RABGAP1L: variants seen among roughly 807,000 people sequenced by gnomAD.
RABGAP1L encodes the protein RAB GTPase activating protein 1 like, also known as rab GTPase-activating protein 1-like.
In RABGAP1L, 63 loss-of-function variants were observed where a neutral mutation model predicts 137.7. That is an observed-to-expected ratio of 0.46 (90% CI 0.37 to 0.56). The LOEUF (loss-of-function observed/expected upper bound fraction) is 0.56, where lower values mean the gene tolerates loss of function less well. RABGAP1L is among the 20% of genes least tolerant of loss of function. The probability of loss-of-function intolerance (pLI) is 0.00; values close to 1 mark genes in which losing one functional copy is unlikely to be tolerated. For missense variants in RABGAP1L, 1,095 were observed against 1,244.0 expected (o/e 0.88, Z 1.80); for synonymous variants, 431 against 433.7 (o/e 0.99, Z 0.08).
At chr1:174,258,506 C>T (rs1673308384) in intron 7 of RABGAP1L, among the ~76,000 whole-genome samples, 1 of 152,128 alleles carries the variant, frequency 6.6e-6, no homozygotes, top group South Asian at 2.1e-4. Context: ...CCAGGCTGGT[C>T]TTGAACTCCT....
chr1:174,945,971 CTAGAGT>C (rs1666671844), intron 19 of RABGAP1L: 2 of 151,582 alleles, frequency 1.3e-5, no homozygotes, highest in African/African-American at 4.8e-5. Flanking sequence ...CAGGCTTCTC[CTAGAGT>C]TAAATTCCTG....
At chr1:174,869,844 G>C (rs1651899683) in intron 19 of RABGAP1L, among the ~76,000 whole-genome samples, 1 of 152,176 alleles carries the variant, frequency 6.6e-6, no homozygotes, top group Non-Finnish European at 1.5e-5. Flanking sequence ...TAAGGACACA[G>C]AGAGAAGACC....
intron 13 of RABGAP1L, among the ~76,000 whole-genome samples, chr1:174,635,596 A>G (rs540003780): frequency 6.6e-6 from 1 of 152,250 alleles, no homozygotes; most frequent in Non-Finnish European, 1.5e-5. Flanking sequence ...TGGCAAATAT[A>G]AATTTTCTCT....
intron 1 of RABGAP1L, among the ~76,000 whole-genome samples, chr1:174,204,897 TGTTAA>T (rs1238040641): frequency 6.6e-6 from 1 of 152,186 alleles, no homozygotes; most frequent in Non-Finnish European, 1.5e-5. Flanking sequence ...CTGCTATGAT[TGTTAA>T]GTTTTCTGAG....
At chr1:174,492,951 C>G (rs1309158457) in intron 13 of RABGAP1L, among the ~76,000 whole-genome samples, 2 of 151,820 alleles carry the variant, frequency 1.3e-5, no homozygotes, top group African/African-American at 4.8e-5. Flanking sequence ...TAATACATTG[C>G]AGCATTATTG....
chr1:174,566,059 T>C (rs1667563212), intron 13 of RABGAP1L, among the ~76,000 whole-genome samples: 1 of 152,086 alleles, frequency 6.6e-6, no homozygotes, highest in African/African-American at 2.4e-5. Flanking sequence ...CAGCTAATTT[T>C]TGTAGAAATT....
At chr1:174,775,297 A>T (rs893348451) in intron 18 of RABGAP1L, among the ~76,000 whole-genome samples, 1 of 147,858 alleles carries the variant, frequency 6.8e-6, no homozygotes, top group African/African-American at 2.4e-5. Flanking sequence ...TATTATATTT[A>T]TGGAACCAGG....
At chr1:174,374,010 A>G (rs1333153179) in intron 12 of RABGAP1L, among the ~76,000 whole-genome samples, 1 of 152,184 alleles carries the variant, frequency 6.6e-6, no homozygotes, top group East Asian at 1.9e-4. Flanking sequence ...AGATTTATTT[A>G]TTAGGAGCAC....
At chr1:174,635,178 C>T (rs1002956800) in intron 13 of RABGAP1L, among the ~76,000 whole-genome samples, 2 of 152,026 alleles carry the variant, frequency 1.3e-5, no homozygotes, top group African/African-American at 4.8e-5. Context: ...ACCATTTAAA[C>T]ACAGCATAAT....
chr1:174,240,743 C>T (rs1368830092), intron 4 of RABGAP1L, among the ~76,000 whole-genome samples: 3 of 152,172 alleles, frequency 2.0e-5, no homozygotes, highest in Non-Finnish European at 2.9e-5. Flanking sequence ...GAAGTGGGCT[C>T]TCCAGGAATA....
intron 13 of RABGAP1L, among the ~76,000 whole-genome samples, chr1:174,471,478 A>G (rs1212820178): frequency 6.6e-6 from 1 of 152,248 alleles, no homozygotes; most frequent in African/African-American, 2.4e-5. Context: ...AAAATCTTAG[A>G]AAAGTCAGTA....
chr1:174,787,414 A>T lies in RABGAP1L; in HGVS notation c.2212-24418A>T, dbSNP rs1436095315. Among the ~76,000 whole-genome samples the T allele has an allele frequency of 5.3e-5, 8 of 152,136 alleles. No individual in the cohort carries two copies. In the South Asian group the frequency reaches 1.7e-3, roughly 32 times the overall value. ...CAAGACTCTGTGTCAAAAAAAAAAA[A>T]AAAAAAATAAGAGAAAGTGACATCT... On this transcript the variant is annotated intron_variant, in intron 18 of 25. Transcript: ENST00000681986.
intron 19 of RABGAP1L, among the ~76,000 whole-genome samples, chr1:174,880,812 C>G (rs1267936457): frequency 6.6e-6 from 1 of 152,050 alleles, no homozygotes; most frequent in African/African-American, 2.4e-5. Context: ...GTTTTGAACT[C>G]TTGGGCTCCA....
chr1:174,646,811 A>T (rs979199530), intron 14 of RABGAP1L, among the ~76,000 whole-genome samples: 4 of 152,226 alleles, frequency 2.6e-5, no homozygotes, highest in South Asian at 2.1e-4. Flanking sequence ...CAGTATGACC[A>T]TTTTTGCAAT....
chr1:174,663,500 A>G (rs761346709), intron 14 of RABGAP1L, among the ~76,000 whole-genome samples: 2 of 152,234 alleles, frequency 1.3e-5, no homozygotes, highest in Non-Finnish European at 2.9e-5. Context: ...AGTACTCTCT[A>G]TGATGTTTGC....
At chr1:174,805,782 G>A (rs1689234039) in intron 18 of RABGAP1L, among the ~76,000 whole-genome samples, 1 of 152,192 alleles carries the variant, frequency 6.6e-6, no homozygotes, top group Non-Finnish European at 1.5e-5. Flanking sequence ...GATTACAGGT[G>A]TAAGCCACTG....
chr1:174,766,705 A>C (rs1448688129), intron 18 of RABGAP1L, among the ~76,000 whole-genome samples: 1 of 152,192 alleles, frequency 6.6e-6, no homozygotes, highest in Non-Finnish European at 1.5e-5. Flanking sequence ...ATGTAAACCA[A>C]AAATGAAATC....
chr1:174,976,617 G>T (rs551224963), intron 22 of RABGAP1L, among the ~76,000 whole-genome samples: 5 of 152,164 alleles, frequency 3.3e-5, no homozygotes, highest in Non-Finnish European at 7.4e-5. Flanking sequence ...AGCCCCTGCC[G>T]CAATCAGTCA....
intron 13 of RABGAP1L, among the ~76,000 whole-genome samples, chr1:174,496,357 G>C (rs1013047369): frequency 1.3e-5 from 2 of 152,154 alleles, no homozygotes; most frequent in Non-Finnish European, 2.9e-5. Flanking sequence ...GACAGTGATA[G>C]TGATAGTAAT....
Sources: gnomAD v4.1 joint callset for allele counts (sites outside exome capture counted in the v4.1 genomes callset) on GRCh38, gnomAD v4.1.1 for gene constraint, MANE v1.5 for transcripts, NCBI Gene and HGNC (gene_info 2026-07-23, HGNC 2026-07-21) for gene names.